The following PURG variants were observed in gnomAD, a reference collection of about 807,000 sequenced individuals.
The protein encoded by PURG is purine rich element binding protein G.
A neutral mutation model predicts 24.3 loss-of-function variants in PURG; 3 were observed. The observed-to-expected ratio is 0.12, with a 90% CI of 0.06 to 0.32. The LOEUF (loss-of-function observed/expected upper bound fraction) is 0.32. Among genes scored for constraint, PURG ranks in the 10% least tolerant of loss-of-function variants. The pLI, the probability that PURG is intolerant of heterozygous loss-of-function variation, is 1.00. For synonymous variants in PURG, 180 were observed against 173.1 expected (o/e 1.04, Z -0.31); for missense variants, 371 against 439.1 (o/e 0.84, Z 1.39).
intron 1 of PURG, among the ~76,000 whole-genome samples, chr8:31,016,581 C>CAAAAAA (rs11433207): frequency 0.012 from 710 of 57,540 alleles, 84 homozygotes; most frequent in Non-Finnish European, 0.015. Flanking sequence ...TACCAAGAAC[C>CAAAAAA]AAAAAAAAAA....
rs2129861709 is a variant in PURG at position 31,032,458 on chromosome 8, G to A, written c.325C>T (p.Leu109=). The A allele has an allele frequency of 6.2e-7, 1 of 1,614,198 alleles. No homozygotes were observed. The highest frequency in any genetic ancestry group is 8.5e-7 in the Non-Finnish European group (1 of 1,180,044). The change falls in exon 2 of 2, where the codon CTG becomes TTG. Residue 109 remains leucine (L), a synonymous_variant. Coordinates refer to ENST00000523392, the MANE Select transcript of PURG (RefSeq NM_001323311.2). The surrounding 1 kb of genome is among the most constrained non-coding windows in gnomAD (Gnocchi z 5.9). ...NIRKSKLTLS[L]SVAAELKDCL... Reference sequence around the variant, plus strand: ...TCCTTCAGCTCCGCTGCCACAGACAGGGAGAGGGTCAGTTTACTCTTTCTG... The same window carrying A: ...TCCTTCAGCTCCGCTGCCACAGACAAGGAGAGGGTCAGTTTACTCTTTCTG...
chr8:31,014,572 C>A (rs1158252699), intron 1 of PURG, among the ~76,000 whole-genome samples: 1 of 152,072 alleles, frequency 6.6e-6, no homozygotes. Flanking sequence ...TATTTTTTAC[C>A]TATTTCCTCC....
downstream of PURG, among the ~76,000 whole-genome samples, chr8:31,030,589 T>C (rs1248836072): frequency 6.6e-6 from 1 of 151,928 alleles, no homozygotes. Context: ...AATATATTTA[T>C]AACCAATCTT....
intron 1 of PURG, among the ~76,000 whole-genome samples, chr8:31,007,056 A>T (rs1398819031): frequency 6.6e-6 from 1 of 152,228 alleles, no homozygotes; most frequent in Non-Finnish European, 1.5e-5. Context: ...TTAGCTATCA[A>T]ATCTTCCTTT....
chr8:31,025,850 G>GT (rs1811078702), downstream of PURG, among the ~76,000 whole-genome samples: 1 of 151,820 alleles, frequency 6.6e-6, no homozygotes, highest in Non-Finnish European at 1.5e-5. Context: ...CCACCAGAGA[G>GT]ACAGTTTAGC....
Position 31,032,666 on chromosome 8 carries a change from G to A in PURG, c.117C>T (p.Tyr39=), listed in dbSNP as rs775970750. 1 of 1,561,010 alleles carries A rather than the reference G, an allele frequency of 6.4e-7. No homozygotes were observed. Among genetic ancestry groups the A allele is most frequent in the Non-Finnish European group, 8.7e-7 (1 of 1,152,316 alleles). ...GGGTGGCTGAGGCCGCGTAGTGGGG[G>A]TAGTGGGAGTGCTGGGCCTGGGGAT... ...RLYPQAQHSH[Y]PHYAASATPN... Residue 39 remains tyrosine, a synonymous_variant, in exon 2 of 2, where the codon TAC becomes TAT. Transcript: ENST00000523392. This position sits in a 1 kb window ranked among gnomAD's most constrained non-coding sequence, Gnocchi z 5.9.
intron 1 of PURG, among the ~76,000 whole-genome samples, chr8:31,015,193 T>C (rs1311939324): frequency 6.6e-6 from 1 of 152,198 alleles, no homozygotes; most frequent in Non-Finnish European, 1.5e-5. Context: ...GTTCAATGGA[T>C]ATAGCTTTTC....
intron 1 of PURG, among the ~76,000 whole-genome samples, chr8:31,022,117 C>A (rs1484124510): frequency 6.6e-6 from 1 of 151,970 alleles, no homozygotes; most frequent in Non-Finnish European, 1.5e-5. Context: ...ATTACAGGAG[C>A]GTGCCACCAT....
At chr8:31,019,618 C>A (rs1810955332) in intron 1 of PURG, among the ~76,000 whole-genome samples, 1 of 151,242 alleles carries the variant, frequency 6.6e-6, no homozygotes, top group South Asian at 2.1e-4. Context: ...CAGGTGTGAG[C>A]TACCATGCCC....
chr8:31,020,924 T>C (rs1810978129), intron 1 of PURG, among the ~76,000 whole-genome samples: 1 of 152,212 alleles, frequency 6.6e-6, no homozygotes, highest in Non-Finnish European at 1.5e-5. Context: ...CCAGTCCTAC[T>C]GAACAGAAAC....
rs774753611 is a variant in PURG at position 31,032,378 on chromosome 8, C to T, written c.405G>A (p.Arg135=). The T allele has an allele frequency of 6.2e-7, 1 of 1,613,524 alleles. No homozygotes were observed. The highest frequency in any genetic ancestry group is 8.5e-7 in the Non-Finnish European group (1 of 1,180,016). The change falls in exon 2 of 2, where the codon CGG becomes CGA. Residue 135 remains arginine, a synonymous_variant. Coordinates refer to ENST00000523392, the MANE Select transcript of PURG (RefSeq NM_001323311.2). The surrounding 1 kb of genome is among the most constrained non-coding windows in gnomAD (Gnocchi z 5.9). ...HYAHLGLKGH[R]QEHGHSKEQG... Reference sequence around the variant, plus strand: ...GCTCTTTGCTGTGGCCATGCTCTTGCCGGTGGCCTTTCAGGCCCAGGTGGG... The same window carrying T: ...GCTCTTTGCTGTGGCCATGCTCTTGTCGGTGGCCTTTCAGGCCCAGGTGGG...
rs530297326 is a variant in PURG, at chr8:31,006,101, C to T, written c.865-9404G>A. Among the ~76,000 whole-genome samples, 31 of 152,118 alleles carry T rather than the reference C, an allele frequency of 2.0e-4. 1 individual carries two copies. Among genetic ancestry groups the T allele is most frequent in the Non-Finnish European group, 3.7e-4 (25 of 68,026 alleles). On this transcript the variant is annotated intron_variant, in intron 1 of 1. Coordinates refer to the PURG transcript ENST00000339382. ...ACCACTTCAAATATAAGGGGCCACT[C>T]GTTCATCAGCTTTAAAGAGGTTACA...
intron 1 of PURG, among the ~76,000 whole-genome samples, chr8:31,016,978 CAAAAGAA>C (rs1350689275): frequency 1.3e-5 from 2 of 151,568 alleles, no homozygotes; most frequent in Admixed American, 6.6e-5. Context: ...GAGAGATGAT[CAAAAGAA>C]AAAAGAAAAA....
chr8:30,999,318 C>T (rs1029170942), intron 1 of PURG, among the ~76,000 whole-genome samples: 2 of 151,760 alleles, frequency 1.3e-5, no homozygotes, highest in African/African-American at 4.8e-5. Context: ...TTATTTTTAT[C>T]AGAAAATTAC....
intron 1 of PURG, among the ~76,000 whole-genome samples, chr8:31,008,593 C>T (rs753388384): frequency 3.9e-5 from 6 of 152,226 alleles, no homozygotes; most frequent in Non-Finnish European, 7.3e-5. Flanking sequence ...TGAGCCACTG[C>T]ACCTGGTTGC....
At chr8:31,024,121 A>G (rs551850846) in intron 1 of PURG, among the ~76,000 whole-genome samples, 19 of 152,352 alleles carry the variant, frequency 1.2e-4, no homozygotes, top group African/African-American at 4.3e-4. Context: ...CTTGGTCTTA[A>G]TAAGGACTAG....
At chr8:31,021,287 T>G (rs1810983987) in intron 1 of PURG, among the ~76,000 whole-genome samples, 1 of 152,214 alleles carries the variant, frequency 6.6e-6, no homozygotes. Context: ...AATGAAATTG[T>G]AGACCCATGG....
chr8:30,999,821 A>C (rs1810500300), intron 1 of PURG, among the ~76,000 whole-genome samples: 1 of 152,008 alleles, frequency 6.6e-6, no homozygotes, highest in South Asian at 2.1e-4. Context: ...TGTTTTAAAC[A>C]ACTAAGAGAC....
chr8:30,998,340 C>G (rs913344623), intron 1 of PURG, among the ~76,000 whole-genome samples: 2 of 151,638 alleles, frequency 1.3e-5, no homozygotes, highest in African/African-American at 4.8e-5. Context: ...AAACATGTAA[C>G]TAGGATAAAT....
Sources: gnomAD v4.1 joint callset for allele counts (sites outside exome capture counted in the v4.1 genomes callset) on GRCh38, gnomAD v4.1.1 for gene constraint, Gnocchi (gnomAD v3.1) non-coding constraint, MANE v1.5 for transcripts, NCBI Gene and HGNC (gene_info 2026-07-23, HGNC 2026-07-21) for gene names.